RIMS1: variants seen among roughly 807,000 people sequenced by gnomAD.
RIMS1 encodes regulating synaptic membrane exocytosis 1.
A neutral mutation model predicts 214.1 loss-of-function variants in RIMS1; 83 were observed. The ratio of observed to expected loss-of-function variants is 0.39; its 90% CI spans 0.32 to 0.47. The LOEUF is 0.47. Ranked by LOEUF, RIMS1 falls within the 20% of genes least tolerant of loss-of-function variation. RIMS1 has a pLI of 0.99. For missense variants in RIMS1, 2,050 were observed against 2,161.8 expected (o/e 0.95, Z 1.03); for synonymous variants, 793 against 786.8 (o/e 1.01, Z -0.13).
At chr6:71,890,719 A>G (rs1045454526) in intron 1 of RIMS1, among the ~76,000 whole-genome samples, 2 of 152,118 alleles carry the variant, frequency 1.3e-5, no homozygotes, top group African/African-American at 4.8e-5. Context: ...GGTAACATTT[A>G]TTGAACATTA....
chr6:71,925,282 T>A (rs1450091600), intron 1 of RIMS1, among the ~76,000 whole-genome samples: 1 of 152,188 alleles, frequency 6.6e-6, no homozygotes, highest in Admixed American at 6.5e-5. Context: ...CCTCCCTAGC[T>A]GCAATATAGT....
intron 29 of RIMS1, among the ~76,000 whole-genome samples, chr6:72,349,017 G>A (rs2097359176): frequency 6.6e-6 from 1 of 151,944 alleles, no homozygotes; most frequent in South Asian, 2.1e-4. Flanking sequence ...GAGGAGGCTT[G>A]TGAACAAAGG....
chr6:72,208,817 A>T (rs1482239927), intron 6 of RIMS1, among the ~76,000 whole-genome samples: 1 of 152,134 alleles, frequency 6.6e-6, no homozygotes, highest in East Asian at 1.9e-4. Flanking sequence ...TAAAAATATT[A>T]TCTCTGAAAA....
intron 4 of RIMS1, among the ~76,000 whole-genome samples, chr6:72,160,297 G>A (rs1195238785): frequency 7.2e-6 from 1 of 139,388 alleles, no homozygotes; most frequent in Non-Finnish European, 1.6e-5. Context: ...AGACAATGGG[G>A]TTTTCTAGAT....
At chr6:72,243,615 A>C (rs2067990944) in intron 10 of RIMS1, among the ~76,000 whole-genome samples, 1 of 151,854 alleles carries the variant, frequency 6.6e-6, no homozygotes, top group African/African-American at 2.4e-5. Context: ...AGAATCAAGC[A>C]TTGTGCACTT....
At chr6:72,354,844 C>A (rs1396878096) in intron 29 of RIMS1, among the ~76,000 whole-genome samples, 1 of 152,204 alleles carries the variant, frequency 6.6e-6, no homozygotes, top group Non-Finnish European at 1.5e-5. Flanking sequence ...TAAGTCTAAA[C>A]ATCACCTGAG....
At chr6:72,052,561 T>A (rs1825000264) in intron 2 of RIMS1, among the ~76,000 whole-genome samples, 1 of 152,196 alleles carries the variant, frequency 6.6e-6, no homozygotes, top group African/African-American at 2.4e-5. Flanking sequence ...GTAAGCATGG[T>A]GGACTGTAAA....
At chr6:72,230,046 G>A (rs1241622580) in intron 6 of RIMS1, among the ~76,000 whole-genome samples, 2 of 151,890 alleles carry the variant, frequency 1.3e-5, no homozygotes, top group African/African-American at 4.8e-5. Flanking sequence ...ACTCAAAAAA[G>A]TAAAAGAGGA....
At chr6:72,125,832 A>G (rs189697037) in intron 4 of RIMS1, among the ~76,000 whole-genome samples, 1 of 152,318 alleles carries the variant, frequency 6.6e-6, no homozygotes, top group East Asian at 1.9e-4. Flanking sequence ...CTGTTTGCTA[A>G]GACCGTTGGA....
At chr6:72,144,686 A>G (rs1475622956) in intron 4 of RIMS1, among the ~76,000 whole-genome samples, 1 of 151,788 alleles carries the variant, frequency 6.6e-6, no homozygotes, top group Non-Finnish European at 1.5e-5. Flanking sequence ...CAGGATTTGC[A>G]GGATAATTGC....
At position 72,174,434 on chromosome 6, in the gene RIMS1, A is replaced by C. The variant is rs139697855; in HGVS notation, c.472-5141A>C. 3.0e-4 allele frequency among the ~76,000 whole-genome samples: 46 copies of C among 152,302 alleles called. No individual in the cohort carries two copies. The East Asian group carries it at 8.1e-3, about 27-fold the overall frequency. On this transcript the variant is annotated intron_variant, in intron 4 of 33. Coordinates refer to ENST00000521978, the MANE Select transcript of RIMS1 (RefSeq NM_014989.7). ...TTTGCAAATTATACAGAGAGCCCCAACTGTTACCACACAGTGATTATATAA... is the reference window on the plus strand; with the variant it reads ...TTTGCAAATTATACAGAGAGCCCCACCTGTTACCACACAGTGATTATATAA...
At chr6:72,134,555 A>G (rs957635854) in intron 4 of RIMS1, among the ~76,000 whole-genome samples, 2 of 152,118 alleles carry the variant, frequency 1.3e-5, no homozygotes, top group Non-Finnish European at 2.9e-5. Context: ...TGAGTTTCGT[A>G]ACTTAAGATG....
At chr6:72,123,646 C>T (rs2153833963) in intron 4 of RIMS1, among the ~76,000 whole-genome samples, 1 of 151,922 alleles carries the variant, frequency 6.6e-6, no homozygotes, top group East Asian at 1.9e-4. Context: ...CCTTATGAAT[C>T]TGGGTGCTCC....
intron 1 of RIMS1, among the ~76,000 whole-genome samples, chr6:71,954,454 T>C (rs564902191): frequency 2.0e-5 from 3 of 152,298 alleles, no homozygotes; most frequent in South Asian, 4.1e-4. Context: ...TGATGCAAAA[T>C]TTTCCTACAT....
At chr6:72,030,456 A>G (rs1817762120) in intron 2 of RIMS1, among the ~76,000 whole-genome samples, 1 of 152,174 alleles carries the variant, frequency 6.6e-6, no homozygotes, top group African/African-American at 2.4e-5. Context: ...ATGTATTAAA[A>G]CATAATGGAA....
chr6:72,277,361 C>G (rs2087024908), intron 23 of RIMS1, among the ~76,000 whole-genome samples: 1 of 152,120 alleles, frequency 6.6e-6, no homozygotes, highest in Non-Finnish European at 1.5e-5. Flanking sequence ...GCGGGCGGAT[C>G]ATGAGGTCAG....
chr6:72,098,861 C>T (rs1037718437), intron 3 of RIMS1, among the ~76,000 whole-genome samples: 6 of 152,154 alleles, frequency 3.9e-5, no homozygotes, highest in Admixed American at 2.0e-4. Flanking sequence ...CATCATATGC[C>T]ACCTTATAGG....
intron 2 of RIMS1, among the ~76,000 whole-genome samples, chr6:72,044,727 G>T (rs74951017): frequency 0.012 from 1,752 of 151,966 alleles, 9 homozygotes; most frequent in Non-Finnish European, 0.017. Flanking sequence ...CAAAATCTTG[G>T]TGTAGTTGAG....
chr6:72,192,265 G>T (rs1562540612), intron 6 of RIMS1, among the ~76,000 whole-genome samples: 1 of 152,216 alleles, frequency 6.6e-6, no homozygotes, highest in Admixed American at 6.5e-5. Flanking sequence ...TCAGCTCAGA[G>T]CCAGTGTCTG....
Sources: gnomAD v4.1 joint callset for allele counts (sites outside exome capture counted in the v4.1 genomes callset) on GRCh38, gnomAD v4.1.1 for gene constraint, MANE v1.5 for transcripts, NCBI Gene and HGNC (gene_info 2026-07-23, HGNC 2026-07-21) for gene names.